AKAP13: variants seen among roughly 807,000 people sequenced by gnomAD.
The protein encoded by AKAP13 is A-kinase anchoring protein 13.
AKAP13 carries 80 observed loss-of-function variants against 264.5 expected under a neutral mutation model. The observed-to-expected ratio is 0.30, with a 90% CI of 0.25 to 0.36. AKAP13 has a LOEUF of 0.36. Among genes scored for constraint, AKAP13 ranks in the 10% least tolerant of loss-of-function variants. The pLI, the probability that AKAP13 is intolerant of heterozygous loss-of-function variation, is 1.00. For synonymous variants in AKAP13, 1,380 were observed against 1,250.2 expected, an observed-to-expected ratio of 1.10 and a Z score of -2.19; for missense variants, 3,712 against 3,435.2, an observed-to-expected ratio of 1.08 and a Z score of -2.01.
Position 85,678,112 on chromosome 15 carries a change from A to T in AKAP13, c.5102-4046A>T, listed in dbSNP as rs193138464. Among the ~76,000 whole-genome samples, 29 of 152,344 alleles carry T rather than the reference A, an allele frequency of 1.9e-4. No individual in the cohort carries two copies. In the East Asian group the frequency reaches 5.0e-3, roughly 26 times the overall value. ...TTTAGTAAACTTGGAAAAGAAAGAA[A>T]TTCCCCCTTCATGAAAATTACAGTC... On this transcript the variant is annotated intron_variant, in intron 14 of 36. Coordinates refer to ENST00000394518, the MANE Select transcript of AKAP13 (RefSeq NM_007200.5).
At chr15:85,521,785 T>C (rs947510761) in intron 3 of AKAP13, among the ~76,000 whole-genome samples, 1 of 152,226 alleles carries the variant, frequency 6.6e-6, no homozygotes, top group Admixed American at 6.5e-5. Flanking sequence ...ATATTACTGT[T>C]ATGTCGGCCA....
At chr15:85,457,882 C>T (rs2074336901) in intron 1 of AKAP13, among the ~76,000 whole-genome samples, 1 of 152,114 alleles carries the variant, frequency 6.6e-6, no homozygotes, top group South Asian at 2.1e-4. Flanking sequence ...TGGCTTATGC[C>T]TGTAATCCCA....
chr15:85,561,051 ATTTTTTT>A (rs11311086), intron 5 of AKAP13, among the ~76,000 whole-genome samples: 4 of 109,510 alleles, frequency 3.7e-5, no homozygotes, highest in South Asian at 3.3e-4. Flanking sequence ...GGATGTAAGG[ATTTTTTT>A]TTTTTTTTTT....
chr15:85,711,229 T>A (rs983602615), intron 19 of AKAP13, among the ~76,000 whole-genome samples: 7 of 152,246 alleles, frequency 4.6e-5, no homozygotes, highest in South Asian at 2.1e-4. Context: ...TCTTTTTTTT[T>A]ATTATTTCTA....
chr15:85,718,909 C>CA lies in AKAP13; in HGVS notation c.6002-160dup, dbSNP rs954599259. On this transcript the variant is annotated intron_variant, in intron 22 of 36. Coordinates refer to ENST00000394518, the MANE Select transcript of AKAP13 (RefSeq NM_007200.5). The surrounding 1 kb of genome is among the most constrained non-coding windows in gnomAD (Gnocchi z 4.9). Reference sequence around the variant, plus strand: ...GCCAGAACCTGTCTTAAAAAAAAAACAAAAAAACAAAAAAACGAGAACACT... The same window carrying CA: ...GCCAGAACCTGTCTTAAAAAAAAAACAAAAAAAACAAAAAAACGAGAACACT... 31 of 917,400 alleles carry CA rather than the reference C, an allele frequency of 3.4e-5. No individual in the cohort carries two copies. Among genetic ancestry groups the CA allele is most frequent in the South Asian group, 9.0e-5 (5 of 55,614 alleles). 56.8% of individuals were successfully genotyped at this position (917,400 alleles called of 1,614,324 possible). A position where few individuals can be genotyped will look rare whatever the true frequency, so the allele number is the denominator to read the frequency against.
At chr15:85,642,933 T>C (rs1256621055) in intron 9 of AKAP13, among the ~76,000 whole-genome samples, 1 of 151,974 alleles carries the variant, frequency 6.6e-6, no homozygotes, top group African/African-American at 2.4e-5. Context: ...TGGAAAGGCA[T>C]TTTTTTATTT....
chr15:85,554,299 T>C (rs1168301807), intron 5 of AKAP13, among the ~76,000 whole-genome samples: 5 of 152,220 alleles, frequency 3.3e-5, no homozygotes, highest in Non-Finnish European at 4.4e-5. Context: ...AAGAACATGT[T>C]TATAAAGTTC....
chr15:85,393,116 G>C (rs2070945877), intron 1 of AKAP13, among the ~76,000 whole-genome samples: 1 of 152,174 alleles, frequency 6.6e-6, no homozygotes, highest in Admixed American at 6.5e-5. Flanking sequence ...TTTCTGGAGT[G>C]GGAGAAGGGA....
chr15:85,567,629 C>G (rs534458593), intron 5 of AKAP13, among the ~76,000 whole-genome samples: 93 of 152,246 alleles, frequency 6.1e-4, no homozygotes, highest in Non-Finnish European at 1.1e-3. Flanking sequence ...CCTCATTGGT[C>G]TCCATTCCCA....
Position 85,743,698 on chromosome 15 carries a change from A to C in AKAP13, c.8265A>C (p.Lys2755Asn). 6.2e-7 allele frequency: 1 copy of C among 1,614,166 alleles called. No individual in the cohort carries two copies. The highest frequency in any genetic ancestry group is 8.5e-7 in the Non-Finnish European group (1 of 1,180,028). ...HILSSTSQTN[K>N]GPEGQSQAPA... ...TGAGTTCAACCAGCCAGACAAACAA[A>C]GGACCAGAAGGGCAGAGCCAGGCCC... Residue 2755 changes from lysine (K) to asparagine (N), a missense_variant, in exon 36 of 37, where the codon AAA becomes AAC. Transcript: ENST00000394518.
At position 85,517,530 on chromosome 15, in the gene AKAP13, A is replaced by AT. The variant is rs1200052916; in HGVS notation, c.34-3891dup. Among the ~76,000 whole-genome samples, 3 of 151,526 alleles carry AT rather than the reference A, an allele frequency of 2.0e-5. 1 individual carries two copies. Among genetic ancestry groups the AT allele is most frequent in the Admixed American group, 2.0e-4 (3 of 15,254 alleles). On this transcript the variant is annotated intron_variant, in intron 2 of 36. Transcript: ENST00000394518. ...CCAGGGTTGAAATCTAGGTGAAAAG[A>AT]TTTTTTTAAACTTAATATATAAAGG...
At chr15:85,686,098 A>G (rs2084896162) in intron 16 of AKAP13, among the ~76,000 whole-genome samples, 1 of 152,026 alleles carries the variant, frequency 6.6e-6, no homozygotes, top group African/African-American at 2.4e-5. Context: ...TAAAGACATA[A>G]GTAAATAAAA....
At chr15:85,539,130 T>C (rs539934551) in intron 4 of AKAP13, among the ~76,000 whole-genome samples, 1 of 152,142 alleles carries the variant, frequency 6.6e-6, no homozygotes. Context: ...GTGCCTGGCC[T>C]GTGTTTGTGT....
chr15:85,399,357 G>A lies in AKAP13; in HGVS notation c.-12+18559G>A, dbSNP rs575601027. On this transcript the variant is annotated intron_variant, in intron 1 of 36. Coordinates refer to ENST00000394518, the MANE Select transcript of AKAP13 (RefSeq NM_007200.5). Reference sequence around the variant, plus strand: ...TAAAAATACAAAAAATTAGCCGGGCGCGGTGGCGGGCGCCTGTAGTCCCAG... The same window carrying A: ...TAAAAATACAAAAAATTAGCCGGGCACGGTGGCGGGCGCCTGTAGTCCCAG... 5.0e-4 allele frequency among the ~76,000 whole-genome samples: 75 copies of A among 148,730 alleles called. 1 individual carries two copies. The South Asian group carries it at 0.014, about 28-fold the overall frequency.
chr15:85,594,999 G>A (rs1000298376), intron 8 of AKAP13, among the ~76,000 whole-genome samples: 1 of 152,114 alleles, frequency 6.6e-6, no homozygotes, highest in African/African-American at 2.4e-5. Context: ...TGTGATATTA[G>A]CCTGTGGCTT....
chr15:85,471,535 A>C (rs2151023406), intron 1 of AKAP13, among the ~76,000 whole-genome samples: 1 of 152,342 alleles, frequency 6.6e-6, no homozygotes, highest in South Asian at 2.1e-4. Context: ...TGCTTTATTT[A>C]GGGTATAATT....
chr15:85,565,264 G>A (rs1166334251), intron 5 of AKAP13, among the ~76,000 whole-genome samples: 1 of 151,928 alleles, frequency 6.6e-6, no homozygotes, highest in African/African-American at 2.4e-5. Flanking sequence ...TCAGAAGGCA[G>A]TAGAAATCTC....
In AKAP13 at chr15:85,744,616, T is replaced by C. The variant is rs768479726; in HGVS notation, c.8393-12T>C. On this transcript the variant is annotated splice_polypyrimidine_tract_variant and intron_variant, in intron 36 of 36. Coordinates refer to ENST00000394518, the MANE Select transcript of AKAP13 (RefSeq NM_007200.5). ...TCTGAATTTTTTTCATTCTTGGTTT[T>C]CACATTTCCAGATGGTCCCGCGTCA... 5.0e-6 allele frequency: 8 copies of C among 1,614,040 alleles called. No homozygotes were observed. Among genetic ancestry groups the C allele is most frequent in the Middle Eastern group, 1.7e-4 (1 of 6,058 alleles).
At chr15:85,619,364 G>A in intron 8 of AKAP13, 1 of 985,078 alleles carries the variant, frequency 1.0e-6, no homozygotes, top group Non-Finnish European at 1.2e-6. Context: ...GAGGGAGGGA[G>A]GGAGTACAGC....
Sources: allele counts gnomAD v4.1 joint callset (sites outside exome capture counted in the v4.1 genomes callset), GRCh38; gene constraint gnomAD v4.1.1; non-coding constraint Gnocchi (gnomAD v3.1); transcripts MANE v1.5; gene names NCBI Gene and HGNC (gene_info 2026-07-23, HGNC 2026-07-21).